Variants in TRPM3 observed in about 807,000 individuals in gnomAD.
TRPM3 encodes transient receptor potential cation channel subfamily M member 3, also known as long transient receptor potential channel 3.
Under a neutral mutation model 181.2 loss-of-function variants are expected in TRPM3, and 77 were observed. The observed-to-expected ratio is 0.42, with a 90% confidence interval of 0.35 to 0.51. The LOEUF (loss-of-function observed/expected upper bound fraction) is 0.51, where lower values mean the gene tolerates loss of function less well. Among genes scored for constraint, TRPM3 ranks in the 20% least tolerant of loss-of-function variants. The pLI is 0.01. For missense variants in TRPM3, 1,759 were observed against 2,196.7 expected (o/e 0.80, Z 3.98); for synonymous variants, 745 against 796.4 (o/e 0.94, Z 1.09).
intron 5 of TRPM3, 37 bp from the exon 6 acceptor site, chr9:70,828,055 A>T: frequency 6.3e-7 from 1 of 1,581,206 alleles, no homozygotes; most frequent in Non-Finnish European, 8.6e-7. Flanking sequence ...GAAGTCAGAA[A>T]AAAAGAACAC....
chr9:71,281,859 C>T (rs368696330), intron 1 of TRPM3, among the ~76,000 whole-genome samples: 3 of 152,110 alleles, frequency 2.0e-5, no homozygotes, highest in East Asian at 3.9e-4. Flanking sequence ...ATTGGAAGTT[C>T]GAGACCAGCC....
intron 1 of TRPM3, among the ~76,000 whole-genome samples, chr9:70,988,936 T>A (rs2134101120): frequency 6.6e-6 from 1 of 152,284 alleles, no homozygotes; most frequent in African/African-American, 2.4e-5. Flanking sequence ...TACACTAATG[T>A]GAAAGGGTTT....
At chr9:70,983,265 C>T (rs1393270451) in intron 1 of TRPM3, among the ~76,000 whole-genome samples, 1 of 152,094 alleles carries the variant, frequency 6.6e-6, no homozygotes, top group Non-Finnish European at 1.5e-5. Context: ...TGATGCTGCT[C>T]TTCCAAGCCA....
At chr9:70,924,374 A>G (rs930106855) in intron 1 of TRPM3, among the ~76,000 whole-genome samples, 2 of 152,172 alleles carry the variant, frequency 1.3e-5, no homozygotes, top group South Asian at 2.1e-4. Context: ...TCTTCATATC[A>G]TTATTCTTCA....
At chr9:71,308,124 C>T (rs185345041) in intron 1 of TRPM3, among the ~76,000 whole-genome samples, 2 of 151,992 alleles carry the variant, frequency 1.3e-5, no homozygotes, top group African/African-American at 2.4e-5. Flanking sequence ...GCATGTGCCA[C>T]CACACCTGGC....
At chr9:70,949,957 T>C (rs2096979906) in intron 1 of TRPM3, among the ~76,000 whole-genome samples, 2 of 152,294 alleles carry the variant, frequency 1.3e-5, no homozygotes, top group South Asian at 2.1e-4. Context: ...ATAGAGTCCA[T>C]GTGAAACTTG....
rs1410984863 is a variant in TRPM3, at chr9:71,168,559, TATTTA to T, written c.183+278089_183+278093del. Among the ~76,000 whole-genome samples, 7 of 105,682 alleles carry T rather than the reference TATTTA, an allele frequency of 6.6e-5. 1 individual carries two copies. The highest frequency in any genetic ancestry group is 2.5e-4 in the African/African-American group (7 of 27,776). 69.3% of individuals were successfully genotyped at this position (105,682 alleles called of 152,430 possible). A position where few individuals can be genotyped will look rare whatever the true frequency, so the allele number is the denominator to read the frequency against. ...TGATTTATTTATTTATTTATTTATT[TATTTA>T]TTTATTTATTTTTGTTTTTTATTTT... On this transcript the variant is annotated intron_variant, in intron 1 of 24. Coordinates refer to the TRPM3 transcript ENST00000357533.
chr9:71,278,939 G>A (rs760568671), intron 1 of TRPM3, among the ~76,000 whole-genome samples: 8 of 151,308 alleles, frequency 5.3e-5, no homozygotes, highest in African/African-American at 2.4e-5. Flanking sequence ...TCAAAGAAAT[G>A]CATACTAACA....
At chr9:71,084,731 T>C (rs1480166567) in intron 1 of TRPM3, among the ~76,000 whole-genome samples, 5 of 151,820 alleles carry the variant, frequency 3.3e-5, no homozygotes, top group Non-Finnish European at 7.4e-5. Flanking sequence ...ACTATTCCTA[T>C]CAAACTGTCG....
chr9:70,861,196 T>A (rs979052754), intron 3 of TRPM3, among the ~76,000 whole-genome samples: 2 of 152,344 alleles, frequency 1.3e-5, no homozygotes, highest in Middle Eastern at 3.4e-3. Context: ...TACTTCTGAT[T>A]CATTTTCCAT....
chr9:70,761,470 A>G (rs759415470), intron 8 of TRPM3, 131 bp downstream of exon 8: 4 of 1,266,220 alleles, frequency 3.2e-6, no homozygotes, highest in Non-Finnish European at 4.6e-6. Flanking sequence ...TACTGGAGCC[A>G]ATGGAGCCTG....
chr9:71,241,059 T>C (rs1388030832), intron 1 of TRPM3, among the ~76,000 whole-genome samples: 1 of 152,200 alleles, frequency 6.6e-6, no homozygotes, highest in Non-Finnish European at 1.5e-5. Context: ...CTCAGTTAGT[T>C]GGCTTCCAAC....
intron 1 of TRPM3, among the ~76,000 whole-genome samples, chr9:71,335,664 T>C (rs1348226069): frequency 2.6e-5 from 4 of 152,170 alleles, no homozygotes; most frequent in East Asian, 1.9e-4. Flanking sequence ...TTTAAAAGAA[T>C]ACAGAAATAA....
At chr9:71,113,506 A>C (rs1010664554) in intron 1 of TRPM3, among the ~76,000 whole-genome samples, 1 of 152,218 alleles carries the variant, frequency 6.6e-6, no homozygotes, top group African/African-American at 2.4e-5. Flanking sequence ...TCTCTGCTGC[A>C]AAGTTTTTCT....
intron 1 of TRPM3, among the ~76,000 whole-genome samples, chr9:70,989,365 C>T (rs773922286): frequency 1.3e-5 from 2 of 152,186 alleles, no homozygotes; most frequent in Non-Finnish European, 2.9e-5. Flanking sequence ...GCCTCTTTCA[C>T]TCCATCTCCT....
intron 1 of TRPM3, among the ~76,000 whole-genome samples, chr9:70,875,849 G>A (rs2095860332): frequency 6.6e-6 from 1 of 151,896 alleles, no homozygotes; most frequent in South Asian, 2.1e-4. Context: ...AGCAATATAA[G>A]TGTAAGGTTA....
chr9:70,549,740 G>A lies in TRPM3; in HGVS notation c.3575-66C>T, dbSNP rs894147897. On this transcript the variant is annotated intron_variant, in intron 24 of 25. Coordinates refer to ENST00000677713, the MANE Select transcript of TRPM3 (RefSeq NM_001366145.2). ...TAAAAGCGATGGCATCTGATTTGTG[G>A]GCCTAGTGACATTCTCAGTATAAAT... is the stretch of plus-strand genomic sequence containing the variant. 1.3e-5 allele frequency: 19 copies of A among 1,501,696 alleles called. No homozygotes were observed. In the African/African-American group the frequency reaches 2.4e-4, roughly 19 times the overall value. 93.0% of individuals were successfully genotyped at this position (1,501,696 alleles called of 1,614,324 possible).
intron 9 of TRPM3, among the ~76,000 whole-genome samples, chr9:70,663,148 C>G (rs971290200): frequency 6.6e-5 from 10 of 152,008 alleles, no homozygotes; most frequent in Non-Finnish European, 1.3e-4. Context: ...AATGGAAAAC[C>G]GAATATTGTA....
intron 22 of TRPM3, among the ~76,000 whole-genome samples, chr9:70,559,668 G>A (rs2048575732): frequency 6.6e-6 from 1 of 152,158 alleles, no homozygotes; most frequent in Non-Finnish European, 1.5e-5. Flanking sequence ...AACTGAAATT[G>A]ACGCAAGAGA....
Sources: allele counts gnomAD v4.1 joint callset (sites outside exome capture counted in the v4.1 genomes callset), GRCh38; gene constraint gnomAD v4.1.1; transcripts MANE v1.5; gene names NCBI Gene and HGNC (gene_info 2026-07-23, HGNC 2026-07-21).